The following MIA2 variants were observed in gnomAD, a reference collection of about 807,000 sequenced individuals.
The protein encoded by MIA2 is MIA SH3 domain ER export factor 2.
In MIA2, 127 loss-of-function variants were observed where a neutral mutation model predicts 167.8. The ratio of observed to expected loss-of-function variants is 0.76; its 90% CI spans 0.66 to 0.88. MIA2 has a LOEUF of 0.88. MIA2 is among the 40% of genes least tolerant of loss of function. The pLI, the probability that MIA2 is intolerant of heterozygous loss-of-function variation, is 0.00. For synonymous variants in MIA2, 552 were observed against 541.9 expected (o/e 1.02, Z -0.26); for missense variants, 1,690 against 1,624.7 (o/e 1.04, Z -0.69).
chr14:39,270,448 C>T (rs1389539435), intron 6 of MIA2, among the ~76,000 whole-genome samples: 1 of 152,040 alleles, frequency 6.6e-6, no homozygotes, highest in Non-Finnish European at 1.5e-5. Context: ...ATCCACCCGC[C>T]TCGGCCTCCC....
rs536322909 is a variant in MIA2, at chr14:39,348,856, A to G, written c.3951A>G (p.Arg1317=). 30 of 1,614,050 alleles carry G rather than the reference A, an allele frequency of 1.9e-5. No individual in the cohort carries two copies. In the East Asian group the frequency reaches 3.6e-4, roughly 19 times the overall value. The change falls in exon 28 of 29, where the codon AGA becomes AGG. Residue 1317 remains arginine (R), a synonymous_variant. Coordinates refer to ENST00000640607, the MANE Select transcript of MIA2 (RefSeq NM_001329214.4). ...IRGPLFPVDA[R]GPFLRRGPPF... Reference sequence around the variant, plus strand: ...GTCCATTGTTTCCAGTGGATGCAAGAGGCCCATTCTTGAGAAGAGGACCTC... The same window carrying G: ...GTCCATTGTTTCCAGTGGATGCAAGGGGCCCATTCTTGAGAAGAGGACCTC...
intron 6 of MIA2, chr14:39,267,292 C>A (rs992312416): frequency 6.9e-7 from 1 of 1,458,288 alleles, no homozygotes; most frequent in Admixed American, 2.7e-5. Flanking sequence ...GTGAGGCCTG[C>A]GGGTGCCCCT....
At chr14:39,351,081 T>A (rs1419749576), downstream of MIA2, 2 of 152,202 alleles carry the variant, frequency 1.3e-5, no homozygotes, top group African/African-American at 2.4e-5. Flanking sequence ...GGACTCAATA[T>A]CTTTAGTGTT....
chr14:39,237,177 G>A, intron 2 of MIA2, 122 bp downstream of exon 2: 1 of 1,095,190 alleles, frequency 9.1e-7, no homozygotes, highest in Non-Finnish European at 1.3e-6. Context: ...CTGGAATGCA[G>A]TGGTGTGATC....
Position 39,376,855 on chromosome 14 carries a change from A to G in MIA2, c.2249-10030A>G, listed in dbSNP as rs567547031. On this transcript the variant is annotated intron_variant, in intron 23 of 23. Coordinates refer to the MIA2 transcript ENST00000341502. The stretch of plus-strand genomic sequence containing the variant: ...GAATAGTGAATTATGTATTCGTCTT[A>G]TGCTCAGTAAATCTGTGCTGTACAC... Among the ~76,000 whole-genome samples the G allele has an allele frequency of 1.1e-4, 16 of 152,342 alleles. No individual in the cohort carries two copies. The South Asian group carries it at 3.1e-3, about 30-fold the overall frequency.
Position 39,299,992 on chromosome 14 carries a change from T to TG in MIA2, c.2619+8dup. ...ATAAAGAAAGTCACATCAAGGTAAA[T>TG]GGCTCTACTGGTTTTAGTGATCAAG... On this transcript the variant is annotated splice_region_variant and intron_variant, in intron 14 of 28. Transcript: ENST00000640607. 6.3e-7 allele frequency: 1 copy of TG among 1,586,180 alleles called. No homozygotes were observed. The highest frequency in any genetic ancestry group is 1.4e-5 in the African/African-American group (1 of 72,754).
At chr14:39,288,715 C>A (rs999255115) in intron 9 of MIA2, among the ~76,000 whole-genome samples, 2 of 151,532 alleles carry the variant, frequency 1.3e-5, no homozygotes, top group African/African-American at 2.4e-5. Context: ...TCCGCCTCGG[C>A]CTCCCAAAGT....
In MIA2 at chr14:39,236,786, GT is replaced by G. The variant is rs1224450698; in HGVS notation, c.116-131del. The G allele has an allele frequency of 1.9e-5, 16 of 836,718 alleles. No individual in the cohort carries two copies. In the East Asian group the frequency reaches 4.4e-4, roughly 23 times the overall value. The allele number at this position is 836,718 out of a possible 1,614,324, so 51.8% of individuals were successfully genotyped here. ...TGCATGCAGTGGGAAGGCTATGTAG[GT>G]TTTTGAGGCCATAAATGATATAAAG... On this transcript the variant is annotated intron_variant, in intron 1 of 28. Transcript: ENST00000640607.
At chr14:39,385,733 C>A (rs1006400463) in intron 23 of MIA2, 2 of 909,870 alleles carry the variant, frequency 2.2e-6, no homozygotes, top group African/African-American at 3.2e-5. Context: ...TTACGTGTCT[C>A]TACCGGATTC....
intron 18 of MIA2, among the ~76,000 whole-genome samples, chr14:39,312,901 G>A (rs1397356003): frequency 6.6e-6 from 1 of 151,972 alleles, no homozygotes; most frequent in Non-Finnish European, 1.5e-5. Flanking sequence ...GTGTGTGTGT[G>A]TGTGTGCGTG....
At chr14:39,335,764 C>G (rs531521310) in intron 25 of MIA2, among the ~76,000 whole-genome samples, 25 of 152,270 alleles carry the variant, frequency 1.6e-4, no homozygotes, top group Admixed American at 5.2e-4. Flanking sequence ...TTTGTCTCTC[C>G]TCGCTCTACT....
At chr14:39,263,248 G>C (rs533623535) in intron 6 of MIA2, among the ~76,000 whole-genome samples, 1 of 152,106 alleles carries the variant, frequency 6.6e-6, no homozygotes, top group East Asian at 1.9e-4. Flanking sequence ...TTTGTCGAAG[G>C]CCTTTTCTGC....
chr14:39,381,685 C>CT (rs35057307), intron 23 of MIA2, among the ~76,000 whole-genome samples: 43,500 of 144,098 alleles, frequency 0.3, 6,814 homozygotes, highest in East Asian at 0.51. Context: ...TTTTCTTTTT[C>CT]TTTTTTTTCC....
downstream of MIA2, among the ~76,000 whole-genome samples, chr14:39,353,027 C>A (rs2139234995): frequency 6.6e-6 from 1 of 152,234 alleles, no homozygotes; most frequent in Admixed American, 6.5e-5. Flanking sequence ...TTCCTCTTCA[C>A]CCCACCCCAT....
At chr14:39,308,992 G>A (rs1212155388) in intron 18 of MIA2, among the ~76,000 whole-genome samples, 2 of 152,176 alleles carry the variant, frequency 1.3e-5, no homozygotes, top group South Asian at 2.1e-4. Flanking sequence ...GTAAATGGCA[G>A]TGTCCTTTAC....
intron 26 of MIA2, chr14:39,346,803 G>C: frequency 5.2e-6 from 1 of 190,502 alleles, no homozygotes; most frequent in East Asian, 1.7e-4. Context: ...ATGAGGTTTC[G>C]ACATGTTGTT....
intron 20 of MIA2, 27 bp from the exon 21 acceptor site, chr14:39,315,656 T>C: frequency 1.3e-6 from 2 of 1,514,170 alleles, no homozygotes; most frequent in Non-Finnish European, 1.8e-6. Context: ...TAATGGTCAG[T>C]AGCATTTTAA....
chr14:39,256,575 G>A (rs931251170), intron 6 of MIA2, among the ~76,000 whole-genome samples: 6 of 151,736 alleles, frequency 4.0e-5, no homozygotes, highest in African/African-American at 1.5e-4. Flanking sequence ...AATTAAAGGA[G>A]GCAGCTTTTT....
At chr14:39,311,321 GTTAAA>G (rs200559412) in intron 18 of MIA2, among the ~76,000 whole-genome samples, 88,487 of 151,048 alleles carry the variant, frequency 0.59, 26,544 homozygotes, top group South Asian at 0.66. Flanking sequence ...CCAGTGAAGT[GTTAAA>G]TTTATATTCT....
Sources: gnomAD v4.1 joint callset for allele counts (sites outside exome capture counted in the v4.1 genomes callset) on GRCh38, gnomAD v4.1.1 for gene constraint, MANE v1.5 for transcripts, NCBI Gene and HGNC (gene_info 2026-07-23, HGNC 2026-07-21) for gene names.